SENP6: variants seen among roughly 807,000 people sequenced by gnomAD.
The protein encoded by SENP6 is sentrin-specific protease 6.
SENP6 carries 41 observed loss-of-function variants against 134.5 expected under a neutral mutation model. That is an observed-to-expected ratio of 0.30 (90% confidence interval 0.24 to 0.40). The LOEUF (loss-of-function observed/expected upper bound fraction) is 0.40. Ranked by LOEUF, SENP6 falls within the 10% of genes least tolerant of loss-of-function variation. The probability of loss-of-function intolerance (pLI) is 1.00; values close to 1 mark genes in which losing one functional copy is unlikely to be tolerated. For missense variants in SENP6, 1,248 were observed against 1,312.5 expected, an observed-to-expected ratio of 0.95 and a Z score of 0.76; for synonymous variants, 395 against 429.8, an observed-to-expected ratio of 0.92 and a Z score of 1.00.
chr6:75,643,149 T>C (rs1450797834), intron 6 of SENP6, among the ~76,000 whole-genome samples: 1 of 151,782 alleles, frequency 6.6e-6, no homozygotes, highest in Non-Finnish European at 1.5e-5. Context: ...TGTATAAAAA[T>C]AGGAGAAAAG....
intron 7 of SENP6, among the ~76,000 whole-genome samples, chr6:75,650,199 T>A (rs571192129): frequency 1.8e-4 from 28 of 152,300 alleles, no homozygotes; most frequent in Middle Eastern, 6.8e-3. Context: ...ACAGAAATGA[T>A]GTTGTGGCAT....
intron 3 of SENP6, among the ~76,000 whole-genome samples, chr6:75,629,782 A>G (rs1768970064): frequency 6.6e-6 from 1 of 152,220 alleles, no homozygotes; most frequent in Admixed American, 6.5e-5. Context: ...TATAGTTAAT[A>G]AGTTAATAGA....
At chr6:75,652,973 TTTG>T (rs1562008853) in intron 7 of SENP6, among the ~76,000 whole-genome samples, 1 of 152,190 alleles carries the variant, frequency 6.6e-6, no homozygotes, top group East Asian at 1.9e-4. Context: ...TTAGCAACTC[TTTG>T]TTATCTTTGA....
rs1562073188 is a variant in SENP6, at chr6:75,705,924, C to CTTTTTTTTTTTTTTTTTTTTT, written c.2716+2852_2716+2853insTTTTTTTTTTTTTTTTTTTTT. 8.0e-3 allele frequency among the ~76,000 whole-genome samples: 717 copies of CTTTTTTTTTTTTTTTTTTTTT among 89,260 alleles called. 228 individuals are homozygous for CTTTTTTTTTTTTTTTTTTTTT. Among genetic ancestry groups the CTTTTTTTTTTTTTTTTTTTTT allele is most frequent in the Non-Finnish European group, 0.011 (530 of 46,088 alleles). The allele number at this position is 89,260 out of a possible 152,430, so 58.6% of individuals were successfully genotyped here. A position where few individuals can be genotyped will look rare whatever the true frequency, so the allele number is the denominator to read the frequency against. On this transcript the variant is annotated intron_variant, in intron 19 of 23. Coordinates refer to ENST00000447266, the MANE Select transcript of SENP6 (RefSeq NM_015571.4). ...AGTGAGTTAGAAAGCTATTTTTGAG[C>CTTTTTTTTTTTTTTTTTTTTT]CTTTTTTTTTTTTTTTTTTTTTTTT...
At chr6:75,662,296 C>G (rs994496020) in intron 8 of SENP6, among the ~76,000 whole-genome samples, 1 of 150,140 alleles carries the variant, frequency 6.7e-6, no homozygotes, top group Non-Finnish European at 1.5e-5. Context: ...TTTTTTTTTT[C>G]TCTTCAATTT....
At chr6:75,678,270 G>A (rs1483692639) in intron 14 of SENP6, 2 of 214,548 alleles carry the variant, frequency 9.3e-6, no homozygotes, top group African/African-American at 4.7e-5. Context: ...AACCACTTTG[G>A]TTTTTTTGAA....
intron 1 of SENP6, among the ~76,000 whole-genome samples, chr6:75,614,962 C>G (rs1018017849): frequency 1.3e-5 from 2 of 152,074 alleles, no homozygotes; most frequent in African/African-American, 4.8e-5. Context: ...CTGATCTCGG[C>G]TCACTGCAAT....
At chr6:75,609,394 T>C (rs548459272) in intron 1 of SENP6, among the ~76,000 whole-genome samples, 6 of 152,192 alleles carry the variant, frequency 3.9e-5, no homozygotes, top group African/African-American at 1.2e-4. Context: ...GAGGCCCAAC[T>C]TCAGAAATTT....
At chr6:75,689,647 G>A (rs576690577) in intron 16 of SENP6, among the ~76,000 whole-genome samples, 4 of 152,154 alleles carry the variant, frequency 2.6e-5, no homozygotes, top group Admixed American at 6.5e-5. Flanking sequence ...TTATAATAAC[G>A]TATTTTTACT....
chr6:75,696,016 G>T (rs1774636880), intron 17 of SENP6, 93 bp downstream of exon 17: 2 of 1,150,422 alleles, frequency 1.7e-6, no homozygotes. Context: ...ACAAATCTCT[G>T]CAGTTCTCTT....
intron 14 of SENP6, chr6:75,677,887 A>G (rs551400255): frequency 1.3e-5 from 2 of 152,422 alleles, no homozygotes; most frequent in African/African-American, 2.4e-5. Context: ...GACCTAATTT[A>G]TTGGGAACAG....
intron 16 of SENP6, among the ~76,000 whole-genome samples, chr6:75,691,581 TTTTTTGTTTTTTG>T (rs1481294917): frequency 4.2e-4 from 63 of 150,574 alleles, no homozygotes; most frequent in Non-Finnish European, 6.8e-4. Context: ...TTGTGTTTTG[TTTTTTGTTTTTTG>T]TTTTTGTTTT....
chr6:75,687,549 G>A (rs959395262), intron 16 of SENP6, among the ~76,000 whole-genome samples: 1 of 152,182 alleles, frequency 6.6e-6, no homozygotes, highest in African/African-American at 2.4e-5. Flanking sequence ...TCTACCTTTG[G>A]TCTTTGATGT....
intron 16 of SENP6, among the ~76,000 whole-genome samples, chr6:75,685,068 A>G (rs914687828): frequency 2.0e-5 from 3 of 152,064 alleles, no homozygotes; most frequent in South Asian, 2.1e-4. Context: ...TATTACCTCA[A>G]TTTCAGAGCC....
intron 3 of SENP6, among the ~76,000 whole-genome samples, chr6:75,625,733 G>A (rs1768634396): frequency 6.6e-6 from 1 of 152,152 alleles, no homozygotes; most frequent in South Asian, 2.1e-4. Flanking sequence ...GCCAGGCATG[G>A]TAGTGGGCTC....
chr6:75,675,710 A>AT (rs201073122), intron 12 of SENP6, 150 bp from the exon 13 acceptor site: 32 of 879,934 alleles, frequency 3.6e-5, no homozygotes, highest in Admixed American at 5.4e-5. Context: ...AGTTATAAAG[A>AT]TTTTTTTTAT....
At chr6:75,634,994 A>G (rs1157328892) in intron 5 of SENP6, 183 bp downstream of exon 5, 2 of 664,316 alleles carry the variant, frequency 3.0e-6, no homozygotes, top group East Asian at 5.7e-5. Flanking sequence ...TTGAGTAATC[A>G]GATTCTGTAA....
chr6:75,674,852 T>A (rs1772963699), intron 11 of SENP6, among the ~76,000 whole-genome samples: 1 of 152,242 alleles, frequency 6.6e-6, no homozygotes, highest in Non-Finnish European at 1.5e-5. Flanking sequence ...CGCTAAATTT[T>A]ACTATTAGCA....
intron 5 of SENP6, among the ~76,000 whole-genome samples, chr6:75,640,168 T>C (rs1276401682): frequency 6.6e-6 from 1 of 152,118 alleles, no homozygotes; most frequent in Non-Finnish European, 1.5e-5. Context: ...GTAGCAACAC[T>C]CTCGGGCATA....
Sources: allele counts gnomAD v4.1 joint callset (sites outside exome capture counted in the v4.1 genomes callset), GRCh38; gene constraint gnomAD v4.1.1; transcripts MANE v1.5; gene names NCBI Gene and HGNC (gene_info 2026-07-23, HGNC 2026-07-21).